The following METTL15 variants were observed in gnomAD, a reference collection of about 807,000 sequenced individuals.
METTL15 encodes the protein methyltransferase 15, mitochondrial 12S rRNA N4-cytidine.
A neutral mutation model predicts 38.3 loss-of-function variants in METTL15; 34 were observed. The observed-to-expected ratio is 0.89, with a 90% CI of 0.68 to 1.18. The LOEUF (loss-of-function observed/expected upper bound fraction) is 1.18, where lower values mean the gene tolerates loss of function less well. METTL15 is among the 50% of genes most tolerant of loss of function. METTL15 has a pLI of 0.00. For synonymous variants in METTL15, 162 were observed against 170.9 expected (o/e 0.95, Z 0.41); for missense variants, 438 against 498.4 (o/e 0.88, Z 1.15).
At chr11:28,496,346 C>T (rs1442287181) in intron 6 of METTL15, among the ~76,000 whole-genome samples, 4 of 152,146 alleles carry the variant, frequency 2.6e-5, no homozygotes, top group Non-Finnish European at 5.9e-5. Context: ...GGGAACCACC[C>T]CCATGATTCA....
At chr11:28,278,614 A>T (rs1254222078) in intron 4 of METTL15, among the ~76,000 whole-genome samples, 7 of 152,116 alleles carry the variant, frequency 4.6e-5, no homozygotes, top group Non-Finnish European at 1.0e-4. Context: ...ACCTTTACTA[A>T]GTCTTACTAT....
At chr11:28,287,737 A>C (rs1436539371) in intron 4 of METTL15, 1 of 152,656 alleles carries the variant, frequency 6.6e-6, no homozygotes, top group Non-Finnish European at 1.5e-5. Flanking sequence ...GTATTCTTGC[A>C]GATAAGGTTA....
At chr11:28,415,513 G>A (rs1182407055) in intron 5 of METTL15, among the ~76,000 whole-genome samples, 1 of 152,166 alleles carries the variant, frequency 6.6e-6, no homozygotes, top group Non-Finnish European at 1.5e-5. Flanking sequence ...CATCAGGTGA[G>A]AAAATAGTTT....
chr11:28,314,980 A>C (rs189330196), intron 6 of METTL15, among the ~76,000 whole-genome samples: 75 of 152,328 alleles, frequency 4.9e-4, no homozygotes, highest in South Asian at 1.2e-3. Context: ...TGTAAGTCCA[A>C]TTAAACCTCT....
At chr11:28,382,615 C>T (rs1590353903) in intron 5 of METTL15, among the ~76,000 whole-genome samples, 2 of 151,980 alleles carry the variant, frequency 1.3e-5, no homozygotes, top group Non-Finnish European at 2.9e-5. Flanking sequence ...AGGCAGATCA[C>T]CTGAGGTTAG....
At chr11:28,504,847 C>T (rs1003186568) in intron 6 of METTL15, among the ~76,000 whole-genome samples, 5 of 152,224 alleles carry the variant, frequency 3.3e-5, no homozygotes, top group Non-Finnish European at 4.4e-5. Context: ...GCTGCTGGCA[C>T]GTAACATGCA....
At chr11:28,215,037 T>C (rs1590169884) in intron 4 of METTL15, among the ~76,000 whole-genome samples, 1 of 152,176 alleles carries the variant, frequency 6.6e-6, no homozygotes, top group African/African-American at 2.4e-5. Context: ...TGCAAAGATA[T>C]AGAGAGAACT....
chr11:28,221,278 C>G (rs1227791185), intron 4 of METTL15, among the ~76,000 whole-genome samples: 1 of 152,126 alleles, frequency 6.6e-6, no homozygotes, highest in Non-Finnish European at 1.5e-5. Context: ...TCTTTTTTCT[C>G]TAAATTTCTC....
At chr11:28,185,061 A>T (rs750932963) in intron 3 of METTL15, among the ~76,000 whole-genome samples, 6 of 151,592 alleles carry the variant, frequency 4.0e-5, no homozygotes, top group Non-Finnish European at 8.9e-5. Context: ...TTTAAAAATT[A>T]TAAGGTTACT....
chr11:28,468,418 G>A (rs1851275620), intron 6 of METTL15, among the ~76,000 whole-genome samples: 1 of 152,134 alleles, frequency 6.6e-6, no homozygotes, highest in South Asian at 2.1e-4. Context: ...CTACAAGCAT[G>A]CAAATTTGGG....
chr11:28,280,272 A>G (rs1165807006), intron 4 of METTL15, among the ~76,000 whole-genome samples: 1 of 151,972 alleles, frequency 6.6e-6, no homozygotes, highest in African/African-American at 2.4e-5. Context: ...AACTAACTCA[A>G]TTTTCTTTAT....
At chr11:28,351,147 C>G (rs1850038329) in intron 3 of METTL15, among the ~76,000 whole-genome samples, 1 of 151,814 alleles carries the variant, frequency 6.6e-6, no homozygotes, top group Non-Finnish European at 1.5e-5. Flanking sequence ...GAATCTTGCT[C>G]TGTTGCTAGG....
At chr11:28,308,050 T>A (rs1857142066) in intron 6 of METTL15, among the ~76,000 whole-genome samples, 1 of 152,016 alleles carries the variant, frequency 6.6e-6, no homozygotes, top group African/African-American at 2.4e-5. Context: ...GAATGATGCT[T>A]AGTTGGGTGT....
intron 6 of METTL15, among the ~76,000 whole-genome samples, chr11:28,513,169 T>C (rs1023257572): frequency 5.3e-5 from 8 of 152,174 alleles, no homozygotes; most frequent in East Asian, 1.9e-4. Context: ...AAACATTGCA[T>C]GTCAAGAGAG....
At chr11:28,214,862 A>C (rs1008131135) in intron 4 of METTL15, among the ~76,000 whole-genome samples, 13 of 152,238 alleles carry the variant, frequency 8.5e-5, no homozygotes, top group African/African-American at 2.9e-4. Context: ...TTAAAACTCT[A>C]TTCAGAATAG....
chr11:28,340,855 T>G (rs894836469), intron 3 of METTL15, among the ~76,000 whole-genome samples: 2 of 152,128 alleles, frequency 1.3e-5, no homozygotes, highest in African/African-American at 4.8e-5. Flanking sequence ...CATTCTACTA[T>G]AAGGGCACAT....
At chr11:28,230,444 A>G (rs746154467) in intron 4 of METTL15, among the ~76,000 whole-genome samples, 5 of 152,104 alleles carry the variant, frequency 3.3e-5, no homozygotes, top group Non-Finnish European at 5.9e-5. Flanking sequence ...TTTATTGCCT[A>G]CGTCATTTGA....
At chr11:28,391,814 T>G (rs1417727386) in intron 5 of METTL15, among the ~76,000 whole-genome samples, 1 of 152,110 alleles carries the variant, frequency 6.6e-6, no homozygotes, top group Non-Finnish European at 1.5e-5. Context: ...AAAAATTAAT[T>G]CAAGATGGGT....
chr11:28,334,585 G>A (rs1018560417), downstream of METTL15, among the ~76,000 whole-genome samples: 12 of 152,018 alleles, frequency 7.9e-5, no homozygotes, highest in African/African-American at 2.9e-4. Context: ...TATGTTTGAT[G>A]TTGATTGAAG....
Sources: gnomAD v4.1 joint callset for allele counts (sites outside exome capture counted in the v4.1 genomes callset) on GRCh38, gnomAD v4.1.1 for gene constraint, MANE v1.5 for transcripts, NCBI Gene and HGNC (gene_info 2026-07-23, HGNC 2026-07-21) for gene names.